Variants in TBC1D22A observed in about 807,000 individuals in gnomAD.
The protein encoded by TBC1D22A is putative GTPase activator.
A neutral mutation model predicts 60.2 loss-of-function variants in TBC1D22A; 38 were observed. That is an observed-to-expected ratio of 0.63 (90% CI 0.49 to 0.83). TBC1D22A has a LOEUF of 0.83. Ranked by LOEUF, TBC1D22A falls within the 40% of genes least tolerant of loss-of-function variation. The pLI, the probability that TBC1D22A is intolerant of heterozygous loss-of-function variation, is 0.00. For synonymous variants in TBC1D22A, 302 were observed against 281.7 expected (o/e 1.07, Z -0.72); for missense variants, 628 against 701.0 (o/e 0.90, Z 1.18).
intron 9 of TBC1D22A, among the ~76,000 whole-genome samples, chr22:46,978,200 C>T (rs1249679022): frequency 6.6e-6 from 1 of 152,232 alleles, no homozygotes; most frequent in Non-Finnish European, 1.5e-5. Flanking sequence ...CTGCCATTGA[C>T]ATGCCCAGGC....
chr22:47,168,619 T>C (rs879353118), intron 12 of TBC1D22A, among the ~76,000 whole-genome samples: 2 of 152,138 alleles, frequency 1.3e-5, no homozygotes, highest in Non-Finnish European at 2.9e-5. Flanking sequence ...CACATGAGCC[T>C]CAGCCCTGGG....
At chr22:46,781,683 G>T (rs73475027) in intron 1 of TBC1D22A, among the ~76,000 whole-genome samples, 2,486 of 152,262 alleles carry the variant, frequency 0.016, 73 homozygotes, top group African/African-American at 0.057. Context: ...GCCTCTTGGG[G>T]CATCTCTCTG....
chr22:46,869,174 GAGTT>G (rs1428216425), intron 4 of TBC1D22A, among the ~76,000 whole-genome samples: 4 of 152,336 alleles, frequency 2.6e-5, no homozygotes, highest in South Asian at 4.1e-4. Flanking sequence ...CTGTTGGTGA[GAGTT>G]AGGGAGTAGT....
chr22:46,840,362 C>T (rs1248400949), intron 4 of TBC1D22A, among the ~76,000 whole-genome samples: 1 of 152,266 alleles, frequency 6.6e-6, no homozygotes, highest in Non-Finnish European at 1.5e-5. Context: ...TGAAAAGGGG[C>T]TCAACATCAC....
At chr22:46,889,103 A>G (rs1024622230) in intron 5 of TBC1D22A, among the ~76,000 whole-genome samples, 2 of 152,234 alleles carry the variant, frequency 1.3e-5, no homozygotes, top group Non-Finnish European at 2.9e-5. Flanking sequence ...TTGAGACATA[A>G]AAGCAAGCCA....
intron 11 of TBC1D22A, among the ~76,000 whole-genome samples, chr22:47,077,864 C>T (rs2064290456): frequency 6.6e-6 from 1 of 152,168 alleles, no homozygotes; most frequent in Non-Finnish European, 1.5e-5. Context: ...GCCTGTGCGC[C>T]ATGATTTGAA....
chr22:47,144,569 G>A (rs1319378577), intron 12 of TBC1D22A, among the ~76,000 whole-genome samples: 5 of 152,334 alleles, frequency 3.3e-5, no homozygotes, highest in Admixed American at 2.0e-4. Context: ...AAGCACATAC[G>A]CGCATGCACT....
At chr22:47,019,916 C>CCCCTCTCCCTTACCCCTCCATCATG (rs1569345154) in intron 10 of TBC1D22A, among the ~76,000 whole-genome samples, 3 of 122,966 alleles carry the variant, frequency 2.4e-5, no homozygotes, top group African/African-American at 5.8e-5. Flanking sequence ...TCTCCATCCT[C>CCCCTCTCCCTTACCCCTCCATCATG]CCCTCTCCCT....
intron 11 of TBC1D22A, among the ~76,000 whole-genome samples, chr22:47,088,251 C>A (rs2064780939): frequency 6.6e-6 from 1 of 152,102 alleles, no homozygotes; most frequent in South Asian, 2.1e-4. Flanking sequence ...AGCCGTTTCC[C>A]ATGAAAAGAA....
intron 11 of TBC1D22A, among the ~76,000 whole-genome samples, chr22:47,054,065 G>A (rs534776896): frequency 6.6e-6 from 1 of 152,310 alleles, no homozygotes; most frequent in South Asian, 2.1e-4. Context: ...CCTGAGCAAT[G>A]GCCAGCGCTG....
chr22:47,085,805 A>G (rs982322135), intron 11 of TBC1D22A, among the ~76,000 whole-genome samples: 1 of 152,348 alleles, frequency 6.6e-6, no homozygotes, highest in Non-Finnish European at 1.5e-5. Context: ...ATATAGTTTT[A>G]TGGTCAAATT....
At chr22:46,945,141 G>A (rs1484846967) in intron 8 of TBC1D22A, among the ~76,000 whole-genome samples, 5 of 152,158 alleles carry the variant, frequency 3.3e-5, no homozygotes, top group Admixed American at 3.3e-4. Flanking sequence ...TGGTCTCCTT[G>A]GATTTTCAGT....
chr22:47,096,808 C>T lies in TBC1D22A; in HGVS notation c.1330-14700C>T, dbSNP rs140480442. 5.7e-3 allele frequency among the ~76,000 whole-genome samples: 869 copies of T among 152,146 alleles called. 11 individuals carry two copies. Among genetic ancestry groups the T allele is most frequent in the African/African-American group, 0.02 (823 of 41,494 alleles). ...CAGCACTCCAGCCTGGGTGGCAGAGCGAGACTCTGTCTCAAAAAAAATAAA... is the reference window on the plus strand; with the variant it reads ...CAGCACTCCAGCCTGGGTGGCAGAGTGAGACTCTGTCTCAAAAAAAATAAA... On this transcript the variant is annotated intron_variant, in intron 11 of 12. Transcript: ENST00000337137.
intron 11 of TBC1D22A, among the ~76,000 whole-genome samples, chr22:47,071,138 T>G (rs1353181515): frequency 6.6e-6 from 1 of 152,246 alleles, no homozygotes; most frequent in African/African-American, 2.4e-5. Flanking sequence ...AAAAGTAATT[T>G]TAGTAACCAA....
intron 4 of TBC1D22A, among the ~76,000 whole-genome samples, chr22:46,828,313 G>A (rs2086159183): frequency 6.6e-6 from 1 of 152,256 alleles, no homozygotes; most frequent in Admixed American, 6.5e-5. Context: ...AAAGACAAAG[G>A]AATTAAAGAT....
chr22:46,860,655 C>T (rs2087821909), intron 4 of TBC1D22A, among the ~76,000 whole-genome samples: 1 of 152,074 alleles, frequency 6.6e-6, no homozygotes, highest in Non-Finnish European at 1.5e-5. Context: ...GAACCAGAAT[C>T]CTTTTCGATA....
At chr22:47,122,057 T>C (rs1413327025) in intron 12 of TBC1D22A, among the ~76,000 whole-genome samples, 1 of 152,218 alleles carries the variant, frequency 6.6e-6, no homozygotes, top group African/African-American at 2.4e-5. Context: ...CACAGGCCCA[T>C]GGCCCTCAAG....
chr22:47,075,371 A>G (rs921723284), intron 11 of TBC1D22A, among the ~76,000 whole-genome samples: 2 of 152,216 alleles, frequency 1.3e-5, no homozygotes, highest in African/African-American at 4.8e-5. Context: ...ACTCCCAGAG[A>G]TGCTGATAGA....
chr22:47,151,461 A>G (rs2067499373), intron 12 of TBC1D22A, among the ~76,000 whole-genome samples: 1 of 152,256 alleles, frequency 6.6e-6, no homozygotes, highest in Non-Finnish European at 1.5e-5. Flanking sequence ...GAAAAAGATC[A>G]TTTTGCTAGT....
Sources: allele counts gnomAD v4.1 joint callset (sites outside exome capture counted in the v4.1 genomes callset), GRCh38; gene constraint gnomAD v4.1.1; transcripts MANE v1.5; gene names NCBI Gene and HGNC (gene_info 2026-07-23, HGNC 2026-07-21).